The following PTCHD4 variants were observed in gnomAD, a reference collection of about 807,000 sequenced individuals.
PTCHD4 encodes patched domain-containing protein 4.
PTCHD4 carries 33 observed loss-of-function variants against 58.1 expected under a neutral mutation model. That is an observed-to-expected ratio of 0.57 (90% confidence interval 0.43 to 0.76). PTCHD4 has a LOEUF of 0.76. Ranked by LOEUF, PTCHD4 falls within the 30% of genes least tolerant of loss-of-function variation. The pLI is 0.00. For synonymous variants in PTCHD4, 478 were observed against 409.6 expected (o/e 1.17, Z -2.02); for missense variants, 1,058 against 1,027.1 (o/e 1.03, Z -0.41).
chr6:47,894,096 C>T (rs1469728004), intron 4 of PTCHD4, among the ~76,000 whole-genome samples: 1 of 152,166 alleles, frequency 6.6e-6, no homozygotes, highest in Non-Finnish European at 1.5e-5. Context: ...TCTATCAGCC[C>T]ATGGGGCAGG....
chr6:47,918,902 T>G (rs1025581640), intron 4 of PTCHD4, among the ~76,000 whole-genome samples: 1 of 152,170 alleles, frequency 6.6e-6, no homozygotes, highest in Non-Finnish European at 1.5e-5. Context: ...TTCTGAGTCC[T>G]GGATAAAGAA....
chr6:47,957,949 G>A (rs572505629), intron 4 of PTCHD4, among the ~76,000 whole-genome samples: 1 of 152,202 alleles, frequency 6.6e-6, no homozygotes, highest in African/African-American at 2.4e-5. Flanking sequence ...GCTAAGCAAA[G>A]TCTGTCCATT....
chr6:48,008,713 G>A lies in PTCHD4; in HGVS notation c.819C>T (p.Ile273=), dbSNP rs1762556276. Residue 273 remains isoleucine (I), a synonymous_variant, in exon 4 of 5, where the codon ATC becomes ATT. Coordinates refer to ENST00000339488, the MANE Select transcript of PTCHD4 (RefSeq NM_001384253.1). ...LLGVLTVCIS[I]ITAAGIFFIT... ...TGAAGAAGATCCCTGCTGCTGTGAT[G>A]ATGGAGATGCATACTGTGAGCACCC... The A allele has an allele frequency of 2.5e-6, 4 of 1,613,854 alleles. No individual in the cohort carries two copies. Among genetic ancestry groups the A allele is most frequent in the Non-Finnish European group, 2.5e-6 (3 of 1,179,838 alleles).
chr6:47,914,527 C>T (rs1488992683), intron 4 of PTCHD4, among the ~76,000 whole-genome samples: 1 of 151,902 alleles, frequency 6.6e-6, no homozygotes, highest in Admixed American at 6.6e-5. Context: ...ATTGTCTCTC[C>T]TAGGTATTCA....
At chr6:48,000,110 A>G (rs1409943594) in intron 4 of PTCHD4, among the ~76,000 whole-genome samples, 1 of 152,168 alleles carries the variant, frequency 6.6e-6, no homozygotes, top group Admixed American at 6.6e-5. Context: ...AACTCTGAGG[A>G]TTCATGGTTA....
Position 47,879,481 on chromosome 6 carries a change from T to C in PTCHD4, c.1354A>G (p.Asn452Asp), listed in dbSNP as rs777982819. Residue 452 changes from asparagine (N) to aspartate (D), a missense_variant, in exon 5 of 5, where the codon AAT becomes GAT. Transcript: ENST00000339488. ...ACATATATATTGGTAATCCATTCAT[T>C]ATAATGTTCACGGAGGAAGTGCTGA... ...FIQHFLREHY[N>D]EWITNIYVKP... is the part of the protein sequence containing the mutation. 3.7e-6 allele frequency: 6 copies of C among 1,613,706 alleles called. No individual in the cohort carries two copies. Among genetic ancestry groups the C allele is most frequent in the Non-Finnish European group, 5.1e-6 (6 of 1,179,750 alleles).
At chr6:48,094,900 CAAT>C (rs1437875732) in intron 1 of PTCHD4, among the ~76,000 whole-genome samples, 1 of 151,974 alleles carries the variant, frequency 6.6e-6, no homozygotes, top group African/African-American at 2.4e-5. Context: ...GCAAACCAAA[CAAT>C]AAGAGTACAT....
In PTCHD4 at chr6:47,867,638, C is replaced by T. The variant is rs1763605788; in HGVS notation, c.*10665G>A. 6.6e-6 allele frequency among the ~76,000 whole-genome samples: 1 copy of T among 151,830 alleles called. No individual in the cohort carries two copies. The highest frequency in any genetic ancestry group is 3.4e-3 in the Middle Eastern group (1 of 294). ...CATCTGTTATAGCCTTCATCCTGGA[C>T]AACCTGCTTTCCTGCCCTTGTATAT... On this transcript the variant is annotated 3_prime_UTR_variant, in exon 5 of 5. Coordinates refer to ENST00000339488, the MANE Select transcript of PTCHD4 (RefSeq NM_001384253.1).
chr6:48,016,061 T>C (rs1463886261), intron 3 of PTCHD4, among the ~76,000 whole-genome samples: 1 of 152,038 alleles, frequency 6.6e-6, no homozygotes, highest in Non-Finnish European at 1.5e-5. Context: ...CTCAGTCTGC[T>C]TATTCTAGTA....
At chr6:47,950,111 A>C (rs1166479673) in intron 4 of PTCHD4, among the ~76,000 whole-genome samples, 1 of 137,916 alleles carries the variant, frequency 7.3e-6, no homozygotes, top group Non-Finnish European at 1.5e-5. Context: ...ATTCCCACCT[A>C]TGAGTGAGAA....
intron 3 of PTCHD4, among the ~76,000 whole-genome samples, chr6:48,037,429 A>T (rs1046932776): frequency 1.1e-4 from 16 of 152,178 alleles, no homozygotes; most frequent in African/African-American, 3.4e-4. Context: ...TAAAGTTGAC[A>T]TGCTTACACC....
Position 47,864,178 on chromosome 6 carries a change from A to T in PTCHD4, c.*14125T>A, listed in dbSNP as rs1763497488. The stretch of plus-strand genomic sequence containing the variant: ...TGTAAATTTTCAGGCCTCACTCCAG[A>T]TCTATTGAATCAGAACCTCTGGAGA... On this transcript the variant is annotated 3_prime_UTR_variant, in exon 5 of 5. Transcript: ENST00000339488. Among the ~76,000 whole-genome samples, 1 of 151,884 alleles carries T rather than the reference A, an allele frequency of 6.6e-6. No homozygotes were observed. Among genetic ancestry groups the T allele is most frequent in the Admixed American group, 6.6e-5 (1 of 15,222 alleles).
rs1763817226 is a variant in PTCHD4, at chr6:47,875,257, C to T, written c.*3046G>A. Among the ~76,000 whole-genome samples, 1 of 151,638 alleles carries T rather than the reference C, an allele frequency of 6.6e-6. No individual in the cohort carries two copies. The highest frequency in any genetic ancestry group is 6.6e-5 in the Admixed American group (1 of 15,174). On this transcript the variant is annotated 3_prime_UTR_variant, in exon 5 of 5. Coordinates refer to ENST00000339488, the MANE Select transcript of PTCHD4 (RefSeq NM_001384253.1). The stretch of plus-strand genomic sequence containing the variant: ...ATGGCATTAGTACTTCATAAATGAA[C>T]AAAACAATGAGTGCAAACTGGAAAA...
chr6:47,964,754 C>A (rs995537518), intron 4 of PTCHD4, among the ~76,000 whole-genome samples: 2 of 152,056 alleles, frequency 1.3e-5, no homozygotes, highest in Admixed American at 1.3e-4. Context: ...ATGTCAAAAC[C>A]AAAGTTCCAC....
intron 3 of PTCHD4, among the ~76,000 whole-genome samples, chr6:48,027,131 T>G (rs1038825353): frequency 6.6e-6 from 1 of 152,134 alleles, no homozygotes; most frequent in Non-Finnish European, 1.5e-5. Flanking sequence ...GATATGTATA[T>G]GTAATATTTT....
intron 4 of PTCHD4, among the ~76,000 whole-genome samples, chr6:47,910,054 T>A (rs899019290): frequency 6.6e-6 from 1 of 152,192 alleles, no homozygotes; most frequent in African/African-American, 2.4e-5. Flanking sequence ...AGCAGTGAGT[T>A]TAGTAGGAGA....
chr6:48,088,248 G>T (rs1052665155), intron 1 of PTCHD4, among the ~76,000 whole-genome samples: 1 of 152,064 alleles, frequency 6.6e-6, no homozygotes, highest in South Asian at 2.1e-4. Context: ...CCGTTTGGAA[G>T]GGTGGGTCCC....
intron 3 of PTCHD4, among the ~76,000 whole-genome samples, chr6:48,050,548 C>T (rs2114169007): frequency 6.6e-6 from 1 of 152,094 alleles, no homozygotes; most frequent in African/African-American, 2.4e-5. Context: ...CTATCTGTGC[C>T]TCAGTTTTCT....
At chr6:47,897,850 T>TA (rs1764570289) in intron 4 of PTCHD4, among the ~76,000 whole-genome samples, 4 of 152,138 alleles carry the variant, frequency 2.6e-5, no homozygotes, top group African/African-American at 9.7e-5. Context: ...CATCTCTAAC[T>TA]TAATAGACAT....
Sources: allele counts gnomAD v4.1 joint callset (sites outside exome capture counted in the v4.1 genomes callset), GRCh38; gene constraint gnomAD v4.1.1; transcripts MANE v1.5; gene names NCBI Gene and HGNC (gene_info 2026-07-23, HGNC 2026-07-21).